LMF2: variants seen among roughly 807,000 people sequenced by gnomAD.
LMF2 encodes the protein transmembrane protein 112B.
Under a neutral mutation model 81.5 loss-of-function variants are expected in LMF2, and 113 were observed. The observed-to-expected ratio is 1.39, with a 90% CI of 1.19 to 1.62. The LOEUF (loss-of-function observed/expected upper bound fraction) is 1.62, where lower values mean the gene tolerates loss of function less well. LMF2 is among the 40% of genes most tolerant of loss of function. The pLI, the probability that LMF2 is intolerant of heterozygous loss-of-function variation, is 0.00. For synonymous variants in LMF2, 645 were observed against 424.5 expected (o/e 1.52, Z -6.39); for missense variants, 1,235 against 929.1 (o/e 1.33, Z -4.28).
chr22:50,505,576 C>T (rs1341424309), intron 6 of LMF2, 39 bp from the exon 7 acceptor site: 1 of 1,611,834 alleles, frequency 6.2e-7, no homozygotes. Context: ...AGAGGGTCCC[C>T]AGCCAGGGGG....
In LMF2 at chr22:50,507,584, G is replaced by A. The variant is rs1322790530; in HGVS notation, c.92C>T (p.Pro31Leu). 3 of 1,560,732 alleles carry A rather than the reference G, an allele frequency of 1.9e-6. No homozygotes were observed. Among genetic ancestry groups the A allele is most frequent in the East Asian group, 2.4e-5 (1 of 42,000 alleles). ...FAFASLYTQIPGLYGPEGILP... is the reference protein window; with the variant it reads ...FAFASLYTQILGLYGPEGILP... The stretch of plus-strand genomic sequence containing the variant: ...TGTCCCACCCTGGGTGCCTTCACCT[G>A]GGATTTGCGTGTAGAGGGAAGCGAA... The change falls in exon 1 of 14, where the codon CCA (proline) becomes CTA (leucine). Residue 31 changes from proline to leucine, a missense_variant and splice_region_variant. By Grantham distance (98) the Pro-to-Leu change is moderately conservative. Coordinates refer to ENST00000474879, the MANE Select transcript of LMF2 (RefSeq NM_033200.3).
At position 50,503,703 on chromosome 22, in the gene LMF2, T is replaced by TGGGA. The variant is rs746243446; in HGVS notation, c.1816-8_1816-5dup. 1,039 of 589,120 alleles carry TGGGA rather than the reference T, an allele frequency of 1.8e-3. 1 individual carries two copies. The highest frequency in any genetic ancestry group is 0.014 in the East Asian group (257 of 18,440). 36.5% of individuals were successfully genotyped at this position (589,120 alleles called of 1,614,324 possible). A position where few individuals can be genotyped will look rare whatever the true frequency, so the allele number is the denominator to read the frequency against. ...GGGTGCGAGGTGGGCTTTTCTCCTG[T>TGGGA]GGGAGGGAGGGAGGGAGGGAGGTTG... On this transcript the variant is annotated splice_polypyrimidine_tract_variant and splice_region_variant and intron_variant, in intron 13 of 13. Coordinates refer to ENST00000474879, the MANE Select transcript of LMF2 (RefSeq NM_033200.3).
Position 50,506,164 on chromosome 22 carries a change from C to T in LMF2, c.645G>A (p.Trp215Ter). 6.4e-7 allele frequency: 1 copy of T among 1,566,394 alleles called. No homozygotes were observed. The highest frequency in any genetic ancestry group is 8.7e-7 in the Non-Finnish European group (1 of 1,155,576). Residue 215 changes from tryptophan to a stop codon, truncating the protein, a stop_gained, in exon 5 of 14, where the codon TGG becomes TGA. Transcript: ENST00000474879. LOFTEE classifies it high-confidence loss of function. ...ETQCLPTPAA[W>*]FAHHLPVWLH... ...GCCAGACCGGCAGGTGGTGTGCGAA[C>T]CAGGCGGCGGGCGTGGGCAGGCACT...
At position 50,507,467 on chromosome 22, in the gene LMF2, C is replaced by T. The variant is rs1350568776; in HGVS notation, c.94+115G>A. The T allele has an allele frequency of 9.6e-6, 8 of 835,842 alleles. No individual in the cohort carries two copies. In the Admixed American group the frequency reaches 1.0e-4, roughly 11 times the overall value. 51.8% of individuals were successfully genotyped at this position (835,842 alleles called of 1,614,324 possible). On this transcript the variant is annotated intron_variant, in intron 1 of 13. Transcript: ENST00000474879. ...ACACGAACCGCCGCCCCCTACCCCA[C>T]GCCAAGGCCTGGCCCTCACTCCCAA...
Position 50,504,848 on chromosome 22 carries a change from C to T in LMF2, c.1391G>A (p.Arg464Gln), listed in dbSNP as rs372866781. ...LFRRMTGLGGRPEVVLEGSYD... is the reference protein window; with the variant it reads ...LFRRMTGLGGQPEVVLEGSYD... The stretch of plus-strand genomic sequence containing the variant: ...ACTGCCCTCCAGCACCACCTCAGGC[C>T]GTCCACCAAGCCCAGTCATGCGGCG... Residue 464 changes from arginine (R) to glutamine (Q), a missense_variant, in exon 10 of 14, where the codon CGG (arginine) becomes CAG (glutamine). Transcript: ENST00000474879. 346 of 1,610,946 alleles carry T rather than the reference C, an allele frequency of 2.1e-4. 1 individual carries two copies. The highest frequency in any genetic ancestry group is 1.9e-3 in the South Asian group (176 of 91,022).
At position 50,506,195 on chromosome 22, in the gene LMF2, T is replaced by C; in HGVS notation, c.614A>G (p.Glu205Gly). The C allele has an allele frequency of 1.9e-6, 3 of 1,558,672 alleles. No homozygotes were observed. The highest frequency in any genetic ancestry group is 2.6e-6 in the Non-Finnish European group (3 of 1,151,430). ...WGLTALTYHYETQCLPTPAAW... is the reference protein window; with the variant it reads ...WGLTALTYHYGTQCLPTPAAW... ...GGCGGGCGTGGGCAGGCACTGGGTCTCGTAGTGGTAGGTGAGGGCTGCAGG... is the reference window on the plus strand; with the variant it reads ...GGCGGGCGTGGGCAGGCACTGGGTCCCGTAGTGGTAGGTGAGGGCTGCAGG... Residue 205 changes from glutamate to glycine, a missense_variant, in exon 5 of 14, where the codon GAG (glutamate) becomes GGG (glycine). Physicochemically the swap from Glu to Gly is moderately conservative, Grantham distance 98. Transcript: ENST00000474879.
Position 50,505,530 on chromosome 22 carries a change from G to A in LMF2, c.924C>T (p.Pro308=), listed in dbSNP as rs774436301. 7 of 1,612,394 alleles carry A rather than the reference G, an allele frequency of 4.3e-6. No homozygotes were observed. The highest frequency in any genetic ancestry group is 4.2e-6 in the Non-Finnish European group (5 of 1,180,008). The change falls in exon 7 of 14, where the codon CCC becomes CCT. Residue 308 remains proline, a synonymous_variant. Coordinates refer to ENST00000474879, the MANE Select transcript of LMF2 (RefSeq NM_033200.3). ...GSRKKTATSW[P]KALLATLSLL... ...GCGACAGGGTGGCCAGCAGGGCCTT[G>A]GGCCAGGCTGTGGGGCAGGACAGTC... is the stretch of plus-strand genomic sequence containing the variant.
Position 50,506,403 on chromosome 22 carries a change from C to G in LMF2, c.477G>C (p.Gly159=), listed in dbSNP as rs749352866. 2 of 1,549,998 alleles carry G rather than the reference C, an allele frequency of 1.3e-6. No individual in the cohort carries two copies. The highest frequency in any genetic ancestry group is 2.7e-5 in the African/African-American group (2 of 73,192). Reference sequence around the variant, plus strand: ...AGGGGAGGTCTTCGTGGGGCAGGGCCCCTGCCTGCCTGCCCTGGGGGGCCT... The same window carrying G: ...AGGGGAGGTCTTCGTGGGGCAGGGCGCCTGCCTGCCTGCCCTGGGGGGCCT... ...RKEAPQGRQA[G]ALPHEDLPFW... The change falls in exon 4 of 14, where the codon GGG becomes GGC. Residue 159 remains glycine (G), a synonymous_variant. Transcript: ENST00000474879.
chr22:50,506,032 C>T lies in LMF2; in HGVS notation c.774+3G>A, dbSNP rs112184818. On this transcript the variant is annotated splice_donor_region_variant and intron_variant, in intron 5 of 13. Transcript: ENST00000474879. ...CTCTCTGACAGCTGCGGCCCTCACC[C>T]ACCTGCGAGTAGAAAGCAGCCAAGC... The T allele has an allele frequency of 4.0e-3, 6,259 of 1,579,856 alleles. 192 individuals carry two copies. The African/African-American group carries it at 0.07, about 18-fold the overall frequency.
chr22:50,503,956 C>A (rs1251946205), intron 12 of LMF2, 52 bp from the exon 13 acceptor site: 1 of 1,525,570 alleles, frequency 6.6e-7, no homozygotes, highest in Non-Finnish European at 9.0e-7. Flanking sequence ...GCTCCATACC[C>A]CATCGCCAGT....
In LMF2 at chr22:50,505,264, G is replaced by A; in HGVS notation, c.1122C>T (p.Ala374=). Residue 374 remains alanine (A), a synonymous_variant, in exon 8 of 14, where the codon GCC becomes GCT. Transcript: ENST00000474879. ...LTLPTVWLGV[A]SLVWELLSAL... is the part of the protein sequence containing the mutation. ...CACTCAGCAGCTCCCAGACCAGGGAGGCCACACCCAGCCACACAGTGGGCA... is the reference window on the plus strand; with the variant it reads ...CACTCAGCAGCTCCCAGACCAGGGAAGCCACACCCAGCCACACAGTGGGCA... 3 of 1,613,212 alleles carry A rather than the reference G, an allele frequency of 1.9e-6. No homozygotes were observed. The highest frequency in any genetic ancestry group is 2.5e-6 in the Non-Finnish European group (3 of 1,180,018).
chr22:50,507,045 G>A lies in LMF2; in HGVS notation c.95-10C>T, dbSNP rs903783590. The A allele has an allele frequency of 7.6e-6, 12 of 1,583,492 alleles. No individual in the cohort carries two copies. Among genetic ancestry groups the A allele is most frequent in the African/African-American group, 4.0e-5 (3 of 74,544 alleles). On this transcript the variant is annotated splice_polypyrimidine_tract_variant and intron_variant, in intron 1 of 13. Coordinates refer to ENST00000474879, the MANE Select transcript of LMF2 (RefSeq NM_033200.3). ...TCGGGGCCATACAGGCCTGTGGGAGGGCATGTCATGGCCAGGCCCTGGACA... is the reference window on the plus strand; with the variant it reads ...TCGGGGCCATACAGGCCTGTGGGAGAGCATGTCATGGCCAGGCCCTGGACA...
rs372279251 is a variant in LMF2 at position 50,503,352 on chromosome 22, G to A, written c.*39C>T. On this transcript the variant is annotated 3_prime_UTR_variant, in exon 14 of 14. Transcript: ENST00000474879. The stretch of plus-strand genomic sequence containing the variant: ...TGCCGGAGGCCAGAGCACTCCCGGC[G>A]ACCTGGCCCTCTCAGGACGTGCAGC... 156 of 1,604,674 alleles carry A rather than the reference G, an allele frequency of 9.7e-5. No homozygotes were observed. The highest frequency in any genetic ancestry group is 9.4e-4 in the East Asian group (42 of 44,672).
In LMF2 at chr22:50,504,814, G is replaced by A; in HGVS notation, c.1425C>T (p.Gly475=). The change falls in exon 10 of 14, where the codon GGC becomes GGT. Residue 475 remains glycine (G), a synonymous_variant. Coordinates refer to ENST00000474879, the MANE Select transcript of LMF2 (RefSeq NM_033200.3). ...PEVVLEGSYD[G]HHWTEIEFMY... ...TGGGAGGGCTCACCGTCCAGTGGTG[G>A]CCGTCGTAACTGCCCTCCAGCACCA... The A allele has an allele frequency of 6.2e-7, 1 of 1,606,354 alleles. No homozygotes were observed. Among genetic ancestry groups the A allele is most frequent in the Non-Finnish European group, 8.5e-7 (1 of 1,175,482 alleles).
In LMF2 at chr22:50,506,965, C is replaced by T; in HGVS notation, c.165G>A (p.Gln55=). The stretch of plus-strand genomic sequence containing the variant: ...GCAGCGTCGGGGTCTCCCACAGCTG[C>T]TGCCAGCGCCCCTTGCCCTGAGGCC... ...TLRPQGKGRW[Q]QLWETPTLLW... The change falls in exon 2 of 14, where the codon CAG becomes CAA. Residue 55 remains glutamine (Q), a synonymous_variant. Coordinates refer to ENST00000474879, the MANE Select transcript of LMF2 (RefSeq NM_033200.3). 2 of 1,587,496 alleles carry T rather than the reference C, an allele frequency of 1.3e-6. No individual in the cohort carries two copies. Among genetic ancestry groups the T allele is most frequent in the Non-Finnish European group, 1.7e-6 (2 of 1,172,538 alleles).
chr22:50,507,696 G>A lies in LMF2; in HGVS notation c.-21C>T. The A allele has an allele frequency of 1.3e-6, 2 of 1,539,094 alleles. No individual in the cohort carries two copies. The highest frequency in any genetic ancestry group is 1.8e-6 in the Non-Finnish European group (2 of 1,140,298). ...GCCATGTCCGCTACGCGGCCCGCTA[G>A]AGCAGGGCCCGCCCTCCGCGTCCGC... On this transcript the variant is annotated 5_prime_UTR_variant, in exon 1 of 14. Transcript: ENST00000474879.
Position 50,505,871 on chromosome 22 carries a change from G to A in LMF2, c.775-56C>T, listed in dbSNP as rs1213089258. ...AGACTGACGCCTGGCCCCGTGGCAG[G>A]CACCCACCTCCACCCTGCAGGGTGC... On this transcript the variant is annotated intron_variant, in intron 5 of 13. Coordinates refer to ENST00000474879, the MANE Select transcript of LMF2 (RefSeq NM_033200.3). 5 of 1,603,448 alleles carry A rather than the reference G, an allele frequency of 3.1e-6. No individual in the cohort carries two copies. The East Asian group carries it at 8.9e-5, about 29-fold the overall frequency.
rs113603657 is a variant in LMF2, at chr22:50,504,686, C to G, written c.1479G>C (p.Pro493=). Residue 493 remains proline, a synonymous_variant, in exon 11 of 14, where the codon CCG becomes CCC. Coordinates refer to ENST00000474879, the MANE Select transcript of LMF2 (RefSeq NM_033200.3). Reference sequence around the variant, plus strand: ...GCTGGTGGGGCACCACAACCGGGGGCGGCCGGCTCAGGTTCCCAGGCTTGT... The same window carrying G: ...GCTGGTGGGGCACCACAACCGGGGGGGGCCGGCTCAGGTTCCCAGGCTTGT... ...FMYKPGNLSR[P]PPVVVPHQPR... The G allele has an allele frequency of 6.8e-6, 11 of 1,609,380 alleles. No homozygotes were observed. The highest frequency in any genetic ancestry group is 9.3e-6 in the Non-Finnish European group (11 of 1,179,348).
Position 50,503,313 on chromosome 22 carries a change from GC to G in LMF2, c.*77del. 6.7e-7 allele frequency: 1 copy of G among 1,487,662 alleles called. No homozygotes were observed. Among genetic ancestry groups the G allele is most frequent in the Non-Finnish European group, 9.2e-7 (1 of 1,091,504 alleles). The allele number at this position is 1,487,662 out of a possible 1,614,324, so 92.2% of individuals were successfully genotyped here. ...CTGCAGGGTCAGCTAAGGCACAGTG[GC>G]TGGGTCCTGTCCTGCCGGAGGCCAG... is the stretch of plus-strand genomic sequence containing the variant. On this transcript the variant is annotated 3_prime_UTR_variant, in exon 14 of 14. Transcript: ENST00000474879.
Sources: allele counts gnomAD v4.1 joint callset, GRCh38; gene constraint gnomAD v4.1.1; transcripts MANE v1.5; gene names NCBI Gene and HGNC (gene_info 2026-07-23, HGNC 2026-07-21).